Variants in TNFSF4 observed in about 807,000 individuals in gnomAD.
TNFSF4 encodes the protein tumor necrosis factor ligand superfamily member 4.
A neutral mutation model predicts 7.3 loss-of-function variants in TNFSF4; 4 were observed. The ratio of observed to expected loss-of-function variants is 0.55; its 90% confidence interval spans 0.27 to 1.25. TNFSF4 has a LOEUF of 1.25. Ranked by LOEUF, TNFSF4 falls within the 50% of genes most tolerant of loss-of-function variation. The pLI, the probability that TNFSF4 is intolerant of heterozygous loss-of-function variation, is 0.12. For synonymous variants in TNFSF4, 76 were observed against 83.7 expected (o/e 0.91, Z 0.50); for missense variants, 181 against 208.8 (o/e 0.87, Z 0.82).
At chr1:173,349,189 C>T in the TNFSF4 span, among the ~76,000 whole-genome samples, 14 of 152,208 alleles carry the variant, frequency 9.2e-5, 1 homozygote, top group South Asian at 2.7e-3. Flanking sequence ...CTGCCACGCC[C>T]GGCTAATTTT....
At chr1:173,274,124 T>TACACAC in the TNFSF4 span, among the ~76,000 whole-genome samples, 12,719 of 145,418 alleles carry the variant, frequency 0.087, 601 homozygotes, top group Middle Eastern at 0.13. Flanking sequence ...TCCATGTTCA[T>TACACAC]ACACACACAC....
chr1:173,284,591 T>C, the TNFSF4 span, among the ~76,000 whole-genome samples: 141,919 of 152,208 alleles, frequency 0.93, 66,250 homozygotes, highest in Middle Eastern at 0.95. Flanking sequence ...CTTCCAAAGA[T>C]GGGCTGACTT....
the TNFSF4 span, among the ~76,000 whole-genome samples, chr1:173,236,517 C>A: frequency 1.3e-5 from 2 of 151,900 alleles, no homozygotes; most frequent in African/African-American, 4.8e-5. Flanking sequence ...GCATGTATAC[C>A]CCCATGTTTA....
the TNFSF4 span, among the ~76,000 whole-genome samples, chr1:173,416,034 C>A: frequency 6.6e-6 from 1 of 152,158 alleles, no homozygotes; most frequent in Non-Finnish European, 1.5e-5. Context: ...TGGGAGCCAA[C>A]CAGGCCAGAA....
At chr1:173,386,082 C>T in the TNFSF4 span, among the ~76,000 whole-genome samples, 16 of 152,272 alleles carry the variant, frequency 1.1e-4, no homozygotes, top group East Asian at 3.1e-3. Context: ...CTGCCATTTG[C>T]ATCACAGGCC....
At chr1:173,415,477 T>C in the TNFSF4 span, among the ~76,000 whole-genome samples, 2 of 152,170 alleles carry the variant, frequency 1.3e-5, no homozygotes, top group African/African-American at 4.8e-5. Flanking sequence ...TAGCAGCATG[T>C]CAGACTCAAT....
the TNFSF4 span, among the ~76,000 whole-genome samples, chr1:173,254,439 C>T: frequency 2.0e-5 from 3 of 152,086 alleles, no homozygotes; most frequent in Non-Finnish European, 4.4e-5. Context: ...CTTCCTTATT[C>T]AACTGACTCC....
At chr1:173,306,900 T>G in the TNFSF4 span, among the ~76,000 whole-genome samples, 1 of 151,824 alleles carries the variant, frequency 6.6e-6, no homozygotes, top group African/African-American at 2.4e-5. Context: ...ACTCTCACCT[T>G]TAGACTTTGC....
chr1:173,294,503 C>A, the TNFSF4 span, among the ~76,000 whole-genome samples: 402 of 152,064 alleles, frequency 2.6e-3, 2 homozygotes, highest in African/African-American at 9.3e-3. Context: ...ACTATGCTCA[C>A]TACCTGAGTG....
the TNFSF4 span, among the ~76,000 whole-genome samples, chr1:173,258,780 A>G: frequency 1.3e-5 from 2 of 152,066 alleles, no homozygotes. Flanking sequence ...GTCCCTCCTC[A>G]CTGGGAAGGG....
At chr1:173,177,076 C>G in the TNFSF4 span, among the ~76,000 whole-genome samples, 2 of 152,258 alleles carry the variant, frequency 1.3e-5, no homozygotes, top group South Asian at 2.1e-4. Flanking sequence ...CCATGACACA[C>G]AGATTACCTA....
the TNFSF4 span, among the ~76,000 whole-genome samples, chr1:173,415,037 G>A: frequency 6.6e-6 from 1 of 152,148 alleles, no homozygotes; most frequent in Non-Finnish European, 1.5e-5. Context: ...TCAAGTTCCT[G>A]TTAGTAATTT....
the TNFSF4 span, among the ~76,000 whole-genome samples, chr1:173,355,229 G>A: frequency 2.6e-4 from 40 of 152,130 alleles, no homozygotes; most frequent in African/African-American, 4.8e-4. Flanking sequence ...ATATTGGGCC[G>A]ACCTGGATGG....
chr1:173,229,431 A>T, the TNFSF4 span, among the ~76,000 whole-genome samples: 1 of 152,222 alleles, frequency 6.6e-6, no homozygotes. Context: ...TCCTGAAGGA[A>T]GCACTAAACA....
chr1:173,361,182 A>G, the TNFSF4 span, among the ~76,000 whole-genome samples: 1 of 152,330 alleles, frequency 6.6e-6, no homozygotes, highest in Admixed American at 6.5e-5. Context: ...TGCCTTTTAA[A>G]ATAGGTGGGT....
the TNFSF4 span, among the ~76,000 whole-genome samples, chr1:173,381,928 G>C: frequency 1.3e-5 from 2 of 152,110 alleles, no homozygotes; most frequent in Non-Finnish European, 2.9e-5. Context: ...TCTAGCTAAA[G>C]GTTTGTAAGT....
chr1:173,351,883 C>T, the TNFSF4 span: 38 of 592,722 alleles, frequency 6.4e-5, 2 homozygotes, highest in South Asian at 4.6e-4. Context: ...CCCAGCAAGG[C>T]GGTTATCACT....
chr1:173,281,031 T>C, the TNFSF4 span, among the ~76,000 whole-genome samples: 1 of 152,082 alleles, frequency 6.6e-6, no homozygotes, highest in African/African-American at 2.4e-5. Context: ...AGTCAAGAGA[T>C]AAAATCAGTG....
chr1:173,173,081 C>T, the TNFSF4 span, among the ~76,000 whole-genome samples: 2 of 152,308 alleles, frequency 1.3e-5, no homozygotes, highest in South Asian at 2.1e-4. Flanking sequence ...CTTGGGGGAA[C>T]TACCCCCATG....
Sources: gnomAD v4.1 joint callset for allele counts (sites outside exome capture counted in the v4.1 genomes callset) on GRCh38, gnomAD v4.1.1 for gene constraint, MANE v1.5 for transcripts, NCBI Gene and HGNC (gene_info 2026-07-23, HGNC 2026-07-21) for gene names.